CCDC30: variants seen among roughly 807,000 people sequenced by gnomAD.
CCDC30 encodes coiled-coil domain containing 30, also known as coiled-coil domain-containing protein 30.
In CCDC30, 70 loss-of-function variants were observed where a neutral mutation model predicts 100.2. The observed-to-expected ratio is 0.70, with a 90% CI of 0.58 to 0.85. CCDC30 has a LOEUF of 0.85. Among genes scored for constraint, CCDC30 ranks in the 40% least tolerant of loss-of-function variants. The probability of loss-of-function intolerance (pLI) is 0.00; values close to 1 mark genes in which losing one functional copy is unlikely to be tolerated. For missense variants in CCDC30, 652 were observed against 771.2 expected (o/e 0.85, Z 1.83); for synonymous variants, 233 against 269.5 (o/e 0.86, Z 1.33).
At chr1:42,556,655 A>G (rs1645377023) in intron 6 of CCDC30, among the ~76,000 whole-genome samples, 1 of 152,194 alleles carries the variant, frequency 6.6e-6, no homozygotes, top group African/African-American at 2.4e-5. Flanking sequence ...CAATCCAGGT[A>G]CACTCTTTGA....
chr1:42,518,963 T>G (rs1644595223), intron 6 of CCDC30, among the ~76,000 whole-genome samples: 1 of 152,218 alleles, frequency 6.6e-6, no homozygotes, highest in Admixed American at 6.5e-5. Context: ...TTCTGTTCCA[T>G]GTTTGTTAAG....
chr1:42,624,824 A>G (rs1646902548), intron 11 of CCDC30, among the ~76,000 whole-genome samples: 2 of 152,162 alleles, frequency 1.3e-5, no homozygotes, highest in African/African-American at 4.8e-5. Flanking sequence ...AATATTCATC[A>G]GTGATAGTGG....
At chr1:42,652,104 GTA>G (rs577969200) in intron 15 of CCDC30, among the ~76,000 whole-genome samples, 1 of 151,972 alleles carries the variant, frequency 6.6e-6, no homozygotes, top group African/African-American at 2.4e-5. Flanking sequence ...TGAAAATGTG[GTA>G]TATATATATG....
At chr1:42,483,223 G>A (rs1044125011) in intron 3 of CCDC30, among the ~76,000 whole-genome samples, 18 of 152,214 alleles carry the variant, frequency 1.2e-4, no homozygotes, top group Middle Eastern at 3.4e-3. Context: ...TTTGTTACAC[G>A]TAGCAGTTGT....
chr1:42,588,908 G>A (rs948945608), intron 9 of CCDC30, among the ~76,000 whole-genome samples: 1 of 151,706 alleles, frequency 6.6e-6, no homozygotes, highest in Non-Finnish European at 1.5e-5. Flanking sequence ...TTCATTTATA[G>A]CAGTGTTAAT....
chr1:42,483,792 T>C (rs1289710931), intron 3 of CCDC30, among the ~76,000 whole-genome samples: 1 of 152,152 alleles, frequency 6.6e-6, no homozygotes, highest in Non-Finnish European at 1.5e-5. Flanking sequence ...TTATTGTTTT[T>C]TTACCATAAA....
At chr1:42,493,371 C>A (rs1054196781) in intron 4 of CCDC30, among the ~76,000 whole-genome samples, 1 of 152,052 alleles carries the variant, frequency 6.6e-6, no homozygotes, top group East Asian at 1.9e-4. Context: ...AGGTGGATCA[C>A]GAGGTCAAGA....
intron 7 of CCDC30, among the ~76,000 whole-genome samples, chr1:42,575,331 G>C (rs1178973858): frequency 1.3e-5 from 2 of 151,932 alleles, no homozygotes; most frequent in African/African-American, 2.4e-5. Context: ...TCTTTGATAG[G>C]CCTTGGTATT....
chr1:42,642,583 A>G (rs777311006), exon 13 of CCDC30: 1 of 1,600,514 alleles, frequency 6.2e-7, no homozygotes, highest in African/African-American at 1.3e-5. Flanking sequence ...ACAGCAACAA[A>G]TGGACGATAT....
At chr1:42,521,483 T>TA (rs1399585962) in intron 6 of CCDC30, among the ~76,000 whole-genome samples, 1 of 152,252 alleles carries the variant, frequency 6.6e-6, no homozygotes, top group Non-Finnish European at 1.5e-5. Context: ...ACATATGATC[T>TA]ATCTTGTAGA....
intron 10 of CCDC30, among the ~76,000 whole-genome samples, chr1:42,606,179 A>C (rs1398372840): frequency 6.6e-6 from 1 of 152,256 alleles, no homozygotes; most frequent in Non-Finnish European, 1.5e-5. Context: ...ACAAATGTAA[A>C]GATGCAGTAT....
chr1:42,535,709 T>TTATATATATATAATATATATATAA lies in CCDC30; in HGVS notation c.457-30577_457-30576insTAATATATATATAATATATATATA, dbSNP rs1309856965. 1.4e-4 allele frequency among the ~76,000 whole-genome samples: 12 copies of TTATATATATATAATATATATATAA among 86,010 alleles called. 2 individuals are homozygous for TTATATATATATAATATATATATAA. Among genetic ancestry groups the TTATATATATATAATATATATATAA allele is most frequent in the Admixed American group, 5.4e-4 (3 of 5,604 alleles). 56.4% of individuals were successfully genotyped at this position (86,010 alleles called of 152,430 possible). A position where few individuals can be genotyped will look rare whatever the true frequency, so the allele number is the denominator to read the frequency against. On this transcript the variant is annotated intron_variant, in intron 6 of 16. Transcript: ENST00000668663. ...ATCCCATCACTACTATATATATATA[T>TTATATATATATAATATATATATAA]TATATATATAAATTTTAAAAAATTA...
At chr1:42,613,601 G>C (rs1042257072) in intron 11 of CCDC30, among the ~76,000 whole-genome samples, 1 of 152,154 alleles carries the variant, frequency 6.6e-6, no homozygotes. Flanking sequence ...CCAGAACTGA[G>C]GGTTCCTCTT....
At chr1:42,580,737 T>G (rs1363602271) in intron 8 of CCDC30, 26 of 374,736 alleles carry the variant, frequency 6.9e-5, no homozygotes, top group South Asian at 5.0e-4. Context: ...AATCATATTT[T>G]TAGTTCTCCC....
chr1:42,621,595 T>C (rs1646833598), intron 11 of CCDC30, among the ~76,000 whole-genome samples: 1 of 152,110 alleles, frequency 6.6e-6, no homozygotes, highest in Admixed American at 6.6e-5. Context: ...CACTGCAAGC[T>C]CCGCCTCCCG....
intron 6 of CCDC30, among the ~76,000 whole-genome samples, chr1:42,562,456 C>G: frequency 6.6e-6 from 1 of 152,270 alleles, no homozygotes; most frequent in Non-Finnish European, 1.5e-5. Flanking sequence ...AAAATTAACT[C>G]AAGATGGATT....
intron 4 of CCDC30, among the ~76,000 whole-genome samples, chr1:42,494,104 C>G (rs1430150730): frequency 2.6e-5 from 4 of 152,148 alleles, no homozygotes; most frequent in African/African-American, 9.7e-5. Flanking sequence ...TGACTTCAAA[C>G]TATACTACAA....
intron 11 of CCDC30, among the ~76,000 whole-genome samples, chr1:42,629,969 A>ATTTTTTTTTTTTT (rs4019432): frequency 3.3e-5 from 3 of 90,146 alleles, no homozygotes; most frequent in African/African-American, 4.4e-5. Flanking sequence ...ATGTCCCCCT[A>ATTTTTTTTTTTTT]TTTTTTTTTT....
At chr1:42,507,026 G>A (rs555365540) in intron 6 of CCDC30, among the ~76,000 whole-genome samples, 4 of 152,070 alleles carry the variant, frequency 2.6e-5, no homozygotes, top group East Asian at 1.9e-4. Context: ...TCTCAGATTC[G>A]AGTGATTCTC....
Sources: gnomAD v4.1 joint callset for allele counts (sites outside exome capture counted in the v4.1 genomes callset) on GRCh38, gnomAD v4.1.1 for gene constraint, MANE v1.5 for transcripts, NCBI Gene and HGNC (gene_info 2026-07-23, HGNC 2026-07-21) for gene names.